TMEM272: variants seen among roughly 807,000 people sequenced by gnomAD.
The protein encoded by TMEM272 is long intergenic non-protein coding RNA 282.
A neutral mutation model predicts 3.7 loss-of-function variants in TMEM272; 8 were observed. That is an observed-to-expected ratio of 2.17 (90% CI 1.27 to 3.91). The LOEUF (loss-of-function observed/expected upper bound fraction) is 3.91. TMEM272 is among the 30% of genes most tolerant of loss of function. TMEM272 has a pLI of 0.00. For synonymous variants in TMEM272, 63 were observed against 39.8 expected (o/e 1.58, Z -2.20); for missense variants, 166 against 91.5 (o/e 1.81, Z -3.32).
chr13:51,881,831 GA>G, the TMEM272 span, among the ~76,000 whole-genome samples: 2 of 152,266 alleles, frequency 1.3e-5, no homozygotes, highest in East Asian at 3.9e-4. Flanking sequence ...AGAACTGTGA[GA>G]AATAAATTTC....
the TMEM272 span, among the ~76,000 whole-genome samples, chr13:51,926,092 A>ATGTGGTGTG: frequency 5.0e-4 from 75 of 150,678 alleles, no homozygotes; most frequent in African/African-American, 1.8e-3. Context: ...AGTGTGTGGT[A>ATGTGGTGTG]TGTGGTGTGT....
the TMEM272 span, chr13:51,908,947 G>A: frequency 1.5e-6 from 2 of 1,370,552 alleles, no homozygotes; most frequent in Admixed American, 3.4e-5. Context: ...GGATTCCCTG[G>A]GCCTCTTGGG....
the TMEM272 span, among the ~76,000 whole-genome samples, chr13:51,906,006 T>C: frequency 6.6e-6 from 1 of 152,184 alleles, no homozygotes; most frequent in East Asian, 1.9e-4. Context: ...ACGTGCACTG[T>C]ACCCAGTGAT....
At chr13:51,866,059 C>T in the TMEM272 span, 14 of 1,586,648 alleles carry the variant, frequency 8.8e-6, no homozygotes, top group Admixed American at 1.8e-5. Flanking sequence ...GCTTGCTGGC[C>T]TTCTCCCGAG....
intron 2 of TMEM272, among the ~76,000 whole-genome samples, chr13:51,830,042 T>TC (rs1475495181): frequency 6.6e-6 from 1 of 152,176 alleles, no homozygotes; most frequent in Non-Finnish European, 1.5e-5. Context: ...ACTCTTATCT[T>TC]CCCTTAGCCT....
chr13:51,869,819 T>C, the TMEM272 span, among the ~76,000 whole-genome samples: 1 of 152,114 alleles, frequency 6.6e-6, no homozygotes, highest in South Asian at 2.1e-4. Flanking sequence ...TCCATTCCCA[T>C]GTAATAAAGC....
chr13:51,895,036 T>A, the TMEM272 span, among the ~76,000 whole-genome samples: 1 of 152,144 alleles, frequency 6.6e-6, no homozygotes, highest in Non-Finnish European at 1.5e-5. Context: ...CTAATGCCAC[T>A]GCTGATCTGA....
At position 51,816,762 on chromosome 13, in the gene TMEM272, C is replaced by G. The variant is rs750119800; in HGVS notation, c.553G>C (p.Asp185His). ...YLCSRWRLAA[D>H]ED ...GGACAAGGCAGCTGTCAGTCTTCAT[C>G]GGCAGCAAGTCTCCACCTGGAGCAC... Residue 185 changes from aspartate to histidine, a missense_variant, in exon 5 of 5, where the codon GAT becomes CAT. Coordinates refer to ENST00000629372, the MANE Select transcript of TMEM272 (RefSeq NM_001351003.2). The G allele has an allele frequency of 2.9e-6, 2 of 697,766 alleles. No homozygotes were observed. The highest frequency in any genetic ancestry group is 5.2e-6 in the Non-Finnish European group (2 of 380,956). 43.2% of individuals were successfully genotyped at this position (697,766 alleles called of 1,614,324 possible). A position where few individuals can be genotyped will look rare whatever the true frequency, so the allele number is the denominator to read the frequency against.
At chr13:51,835,246 C>T (rs1319131014) in intron 2 of TMEM272, among the ~76,000 whole-genome samples, 3 of 145,846 alleles carry the variant, frequency 2.1e-5, no homozygotes, top group Non-Finnish European at 3.0e-5. Context: ...TTTTTTGAGA[C>T]GGAGTCTCAC....
chr13:51,863,674 C>CAGACAG, the TMEM272 span, among the ~76,000 whole-genome samples: 3 of 24,006 alleles, frequency 1.2e-4, no homozygotes, highest in African/African-American at 2.1e-4. Flanking sequence ...CGCACACAGA[C>CAGACAG]ACACACACAC....
At chr13:51,926,627 G>A in the TMEM272 span, among the ~76,000 whole-genome samples, 2 of 137,776 alleles carry the variant, frequency 1.5e-5, no homozygotes, top group South Asian at 2.4e-4. Context: ...GGGGTGGGGC[G>A]GGTTTGTGGG....
the TMEM272 span, among the ~76,000 whole-genome samples, chr13:51,904,159 A>C: frequency 3.9e-5 from 6 of 152,134 alleles, no homozygotes; most frequent in African/African-American, 1.4e-4. Context: ...GCATGAGCTT[A>C]ATGACTGCTT....
In TMEM272 at chr13:51,817,039, G is replaced by GTCATCA. The variant is rs1956036881; in HGVS notation, c.275_276insTGATGA (p.Asp93_Asp94dup). 1.4e-6 allele frequency: 1 copy of GTCATCA among 702,888 alleles called. No homozygotes were observed. Among genetic ancestry groups the GTCATCA allele is most frequent in the African/African-American group, 1.7e-5 (1 of 57,244 alleles). 43.5% of individuals were successfully genotyped at this position (702,888 alleles called of 1,614,324 possible). A position where few individuals can be genotyped will look rare whatever the true frequency, so the allele number is the denominator to read the frequency against. On this transcript the variant is annotated inframe_insertion, in exon 5 of 5. Coordinates refer to ENST00000629372, the MANE Select transcript of TMEM272 (RefSeq NM_001351003.2). ...TCTGCCTCCAGGGGTATTCGTCATCGTCATCGTCATCAATCACCACGGCCT... is the reference window on the plus strand; with the variant it reads ...TCTGCCTCCAGGGGTATTCGTCATCGTCATCATCATCGTCATCAATCACCACGGCCT...
the TMEM272 span, among the ~76,000 whole-genome samples, chr13:51,888,202 C>T: frequency 2.7e-5 from 4 of 149,752 alleles, no homozygotes; most frequent in African/African-American, 9.7e-5. Context: ...CCCACCACCA[C>T]ACCTACCTAA....
the TMEM272 span, chr13:51,866,014 C>T: frequency 8.7e-6 from 14 of 1,610,660 alleles, no homozygotes; most frequent in Admixed American, 8.5e-5. Context: ...AGCAGATGCT[C>T]GAAGATGGGC....
chr13:51,904,450 T>C, the TMEM272 span, among the ~76,000 whole-genome samples: 2 of 152,172 alleles, frequency 1.3e-5, no homozygotes, highest in Middle Eastern at 3.2e-3. Flanking sequence ...ATGAGTCAGA[T>C]CTGGGAAAAC....
the TMEM272 span, chr13:51,866,342 A>AGCCTGT: frequency 2.6e-6 from 1 of 387,566 alleles, no homozygotes; most frequent in East Asian, 4.0e-5. Context: ...CAGTGACCCC[A>AGCCTGT]GCCTGTGCGG....
chr13:51,838,439 CA>C (rs1471019175), intron 2 of TMEM272, 33 bp downstream of exon 2: 2 of 702,916 alleles, frequency 2.8e-6, no homozygotes, highest in Non-Finnish European at 5.2e-6. Flanking sequence ...CTCAATCCTA[CA>C]AAACCAGGGC....
chr13:51,836,018 T>C (rs1448551433), intron 2 of TMEM272, among the ~76,000 whole-genome samples: 1 of 152,230 alleles, frequency 6.6e-6, no homozygotes, highest in Non-Finnish European at 1.5e-5. Context: ...ATTGCATTTG[T>C]TGTCATGTCT....
Sources: allele counts gnomAD v4.1 joint callset (sites outside exome capture counted in the v4.1 genomes callset), GRCh38; gene constraint gnomAD v4.1.1; transcripts MANE v1.5; gene names NCBI Gene and HGNC (gene_info 2026-07-23, HGNC 2026-07-21).